Variants in TBC1D4 observed in about 807,000 individuals in gnomAD.
TBC1D4 encodes TBC (Tre-2, BUB2, CDC16) domain-containing protein.
TBC1D4 carries 121 observed loss-of-function variants against 142.5 expected under a neutral mutation model. That is an observed-to-expected ratio of 0.85 (90% CI 0.73 to 0.99). The LOEUF is 0.99. TBC1D4 is among the 50% of genes least tolerant of loss of function. The pLI is 0.00. For missense variants in TBC1D4, 1,475 were observed against 1,606.6 expected (o/e 0.92, Z 1.40); for synonymous variants, 630 against 628.2 (o/e 1.00, Z -0.04).
intron 2 of TBC1D4, among the ~76,000 whole-genome samples, chr13:75,361,806 C>G (rs1156263116): frequency 6.6e-6 from 1 of 152,200 alleles, no homozygotes; most frequent in Non-Finnish European, 1.5e-5. Context: ...TCCTTCCCTA[C>G]TCCCTTAATT....
intron 1 of TBC1D4, among the ~76,000 whole-genome samples, chr13:75,435,895 C>T (rs889961691): frequency 1.3e-5 from 2 of 152,134 alleles, no homozygotes; most frequent in Non-Finnish European, 2.9e-5. Flanking sequence ...TAGCCCACTA[C>T]CCAAAATAAT....
intron 1 of TBC1D4, among the ~76,000 whole-genome samples, chr13:75,387,850 T>C (rs1884264635): frequency 6.6e-6 from 1 of 152,242 alleles, no homozygotes; most frequent in Non-Finnish European, 1.5e-5. Flanking sequence ...TTTCTGTTAC[T>C]GCCTTAATAA....
At chr13:75,441,971 A>G (rs1887060177) in intron 1 of TBC1D4, among the ~76,000 whole-genome samples, 1 of 152,246 alleles carries the variant, frequency 6.6e-6, no homozygotes, top group Non-Finnish European at 1.5e-5. Context: ...TGCTCAATTA[A>G]CGTGCTGAAG....
intron 1 of TBC1D4, among the ~76,000 whole-genome samples, chr13:75,412,342 G>A (rs1185227473): frequency 6.6e-6 from 1 of 152,042 alleles, no homozygotes; most frequent in Non-Finnish European, 1.5e-5. Flanking sequence ...GAGTGCAGTG[G>A]TGCAATCATG....
At position 75,349,237 on chromosome 13, in the gene TBC1D4, C is replaced by T. The variant is rs748736479; in HGVS notation, c.1341G>A (p.Lys447=). The change falls in exon 5 of 21, where the codon AAG becomes AAA. Residue 447 remains lysine, a synonymous_variant. Coordinates refer to ENST00000377636, the MANE Select transcript of TBC1D4 (RefSeq NM_014832.5). ...AGGCCTCACACAGTTTAATCTGCGT[C>T]TTGGCACTCTGCAGGGCAGCCGCCG... ...FSTAAALQSA[K]TQIKLCEACP... 2 of 1,614,014 alleles carry T rather than the reference C, an allele frequency of 1.2e-6. No homozygotes were observed. The highest frequency in any genetic ancestry group is 3.3e-5 in the Admixed American group (2 of 59,970).
At chr13:75,376,374 CATTTT>C (rs1271090685) in intron 1 of TBC1D4, among the ~76,000 whole-genome samples, 9 of 75,508 alleles carry the variant, frequency 1.2e-4, no homozygotes, top group African/African-American at 4.5e-4. Flanking sequence ...CTTCTGGTGA[CATTTT>C]TTTTTTTTTT....
chr13:75,325,406 C>T (rs115914844), intron 10 of TBC1D4, among the ~76,000 whole-genome samples: 2,089 of 150,020 alleles, frequency 0.014, 52 homozygotes, highest in African/African-American at 0.048. Flanking sequence ...CCTTTTACAT[C>T]GAGTTGTGTT....
intron 1 of TBC1D4, among the ~76,000 whole-genome samples, chr13:75,410,793 G>A (rs1056807581): frequency 4.0e-5 from 6 of 150,646 alleles, no homozygotes; most frequent in African/African-American, 7.3e-5. Context: ...AAAATTAGCC[G>A]GGCGTGGTAG....
chr13:75,322,098 TG>T (rs1878827366), intron 11 of TBC1D4, among the ~76,000 whole-genome samples: 1 of 152,156 alleles, frequency 6.6e-6, no homozygotes, highest in South Asian at 2.1e-4. Flanking sequence ...AGAGAAATAG[TG>T]GTGTTCACTC....
At chr13:75,381,002 CT>C (rs914502297) in intron 1 of TBC1D4, among the ~76,000 whole-genome samples, 9 of 152,090 alleles carry the variant, frequency 5.9e-5, no homozygotes, top group Non-Finnish European at 1.0e-4. Flanking sequence ...TTTTGGCACA[CT>C]TTTAAAACTC....
At chr13:75,421,025 C>T (rs1886145185) in intron 1 of TBC1D4, among the ~76,000 whole-genome samples, 1 of 152,218 alleles carries the variant, frequency 6.6e-6, no homozygotes, top group Non-Finnish European at 1.5e-5. Flanking sequence ...AAAAACATCA[C>T]TCTTTGCTTA....
At chr13:75,329,997 ACTTT>A (rs1396913816) in intron 8 of TBC1D4, among the ~76,000 whole-genome samples, 2 of 152,188 alleles carry the variant, frequency 1.3e-5, no homozygotes, top group Non-Finnish European at 1.5e-5. Flanking sequence ...TCTGTTGTGC[ACTTT>A]CTGAGTTCAC....
intron 1 of TBC1D4, among the ~76,000 whole-genome samples, chr13:75,475,395 A>G (rs962129493): frequency 6.6e-6 from 1 of 152,268 alleles, no homozygotes; most frequent in Non-Finnish European, 1.5e-5. Flanking sequence ...AGACATGCCA[A>G]TGTAGTCTAA....
chr13:75,323,554 CAAGAAT>C (rs1278027538), intron 11 of TBC1D4, among the ~76,000 whole-genome samples: 2 of 152,030 alleles, frequency 1.3e-5, no homozygotes, highest in East Asian at 1.9e-4. Context: ...ACTAAAAGAA[CAAGAAT>C]AAGATTTAAC....
chr13:75,481,052 C>A, intron 1 of TBC1D4, among the ~76,000 whole-genome samples: 1 of 152,210 alleles, frequency 6.6e-6, no homozygotes, highest in African/African-American at 2.4e-5. Context: ...CTGTAGCCGG[C>A]CGGCCGCTCC....
rs1405295115 is a variant in TBC1D4 at position 75,302,240 on chromosome 13, T to C, written c.2911+3A>G. 21 of 1,614,022 alleles carry C rather than the reference T, an allele frequency of 1.3e-5. No individual in the cohort carries two copies. Among genetic ancestry groups the C allele is most frequent in the Non-Finnish European group, 1.6e-5 (19 of 1,180,022 alleles). On this transcript the variant is annotated splice_donor_region_variant and intron_variant, in intron 16 of 20. Transcript: ENST00000377636. The stretch of plus-strand genomic sequence containing the variant: ...TAAATTATAATCCACATGACAAACA[T>C]ACCTAAATCCACGAGAATCGCATGC...
intron 1 of TBC1D4, among the ~76,000 whole-genome samples, chr13:75,404,087 C>CACACACACACACACACAT (rs1255527173): frequency 6.6e-6 from 1 of 151,696 alleles, no homozygotes; most frequent in African/African-American, 2.4e-5. Context: ...CACACACACA[C>CACACACACACACACACAT]ATCTCCCCAG....
At chr13:75,404,048 G>C in intron 1 of TBC1D4, among the ~76,000 whole-genome samples, 1 of 96,044 alleles carries the variant, frequency 1.0e-5, no homozygotes, top group Non-Finnish European at 2.1e-5. Flanking sequence ...CTTTTGTAGG[G>C]GGGATATATA....
intron 17 of TBC1D4, among the ~76,000 whole-genome samples, chr13:75,295,616 T>C (rs1875831974): frequency 6.6e-6 from 1 of 152,214 alleles, no homozygotes; most frequent in Non-Finnish European, 1.5e-5. Context: ...AAAAGTGCAG[T>C]TGTTTCTGAA....
Sources: gnomAD v4.1 joint callset for allele counts (sites outside exome capture counted in the v4.1 genomes callset) on GRCh38, gnomAD v4.1.1 for gene constraint, MANE v1.5 for transcripts, NCBI Gene and HGNC (gene_info 2026-07-23, HGNC 2026-07-21) for gene names.